PRKAR1B: variants seen among roughly 807,000 people sequenced by gnomAD.
The protein encoded by PRKAR1B is cAMP-dependent protein kinase type I-beta regulatory subunit.
A neutral mutation model predicts 46.5 loss-of-function variants in PRKAR1B; 22 were observed. The observed-to-expected ratio is 0.47, with a 90% CI of 0.34 to 0.68. PRKAR1B has a LOEUF of 0.68. Ranked by LOEUF, PRKAR1B falls within the 30% of genes least tolerant of loss-of-function variation. The pLI, the probability that PRKAR1B is intolerant of heterozygous loss-of-function variation, is 0.01. For missense variants in PRKAR1B, 445 were observed against 535.6 expected (o/e 0.83, Z 1.67); for synonymous variants, 259 against 217.7 (o/e 1.19, Z -1.67).
chr7:706,540 C>T (rs1340366574), intron 2 of PRKAR1B, among the ~76,000 whole-genome samples: 1 of 148,150 alleles, frequency 6.7e-6, no homozygotes, highest in Non-Finnish European at 1.5e-5. Context: ...TCTCCTACCT[C>T]AGCCTCTCAC....
At chr7:657,667 T>TC (rs1385491872) in intron 4 of PRKAR1B, among the ~76,000 whole-genome samples, 1 of 152,222 alleles carries the variant, frequency 6.6e-6, no homozygotes, top group African/African-American at 2.4e-5. Flanking sequence ...GGACACCCTG[T>TC]CCTTCCACAG....
rs984837109 is a variant in PRKAR1B, at chr7:606,939, T to A, written c.502+452A>T. On this transcript the variant is annotated intron_variant, in intron 5 of 10. Coordinates refer to ENST00000537384, the MANE Select transcript of PRKAR1B (RefSeq NM_001164760.2). ...ACATGTACACACATATGTGTGCACA[T>A]ATACGTGCATATATATGTAGACATA... Among the ~76,000 whole-genome samples the A allele has an allele frequency of 4.6e-5, 7 of 152,362 alleles. No homozygotes were observed. In the South Asian group the frequency reaches 1.4e-3, roughly 32 times the overall value.
At chr7:609,936 T>C (rs1782381524) in intron 4 of PRKAR1B, among the ~76,000 whole-genome samples, 2 of 152,120 alleles carry the variant, frequency 1.3e-5, no homozygotes, top group Admixed American at 1.3e-4. Flanking sequence ...AATTGATGGG[T>C]CTCGCTATGT....
chr7:720,289 C>T (rs935926005), intron 1 of PRKAR1B, among the ~76,000 whole-genome samples: 2 of 152,142 alleles, frequency 1.3e-5, no homozygotes, highest in Admixed American at 1.3e-4. Flanking sequence ...AACTCCTGAC[C>T]TCAGGTGATC....
At chr7:563,176 G>A (rs1306575730) in intron 9 of PRKAR1B, among the ~76,000 whole-genome samples, 2 of 152,288 alleles carry the variant, frequency 1.3e-5, no homozygotes, top group African/African-American at 2.4e-5. Flanking sequence ...GTGCAGGTGG[G>A]CAGGCACCTA....
intron 9 of PRKAR1B, among the ~76,000 whole-genome samples, chr7:570,848 C>G (rs1457392515): frequency 6.6e-6 from 1 of 152,060 alleles, no homozygotes; most frequent in Non-Finnish European, 1.5e-5. Flanking sequence ...CCCTGCCCCA[C>G]GGCCCCCACC....
intron 4 of PRKAR1B, among the ~76,000 whole-genome samples, chr7:658,004 C>A (rs1273606710): frequency 6.6e-6 from 1 of 152,144 alleles, no homozygotes; most frequent in African/African-American, 2.4e-5. Context: ...GAAATGCAAA[C>A]CCGACAAGCA....
chr7:695,503 C>T (rs117542754), intron 2 of PRKAR1B, among the ~76,000 whole-genome samples: 1,678 of 152,242 alleles, frequency 0.011, 23 homozygotes, highest in East Asian at 0.1. Context: ...ACGATGACCT[C>T]GTGTTCCATG....
At chr7:610,447 T>A (rs1235074785) in intron 4 of PRKAR1B, among the ~76,000 whole-genome samples, 1 of 151,970 alleles carries the variant, frequency 6.6e-6, no homozygotes, top group Non-Finnish European at 1.5e-5. Flanking sequence ...GTGTCCCTCA[T>A]CTCCCCAGGG....
Position 550,451 on chromosome 7 carries a change from G to A in PRKAR1B, c.1125C>T (p.Ser375=). 3.1e-6 allele frequency: 5 copies of A among 1,594,898 alleles called. No individual in the cohort carries two copies. The highest frequency in any genetic ancestry group is 2.3e-5 in the East Asian group (1 of 43,784). The change falls in exon 11 of 11, where the codon AGC becomes AGT. Residue 375 remains serine, a synonymous_variant. Coordinates refer to ENST00000537384, the MANE Select transcript of PRKAR1B (RefSeq NM_001164760.2). ...ILKRNIQRYN[S]FISLTV The stretch of plus-strand genomic sequence containing the variant: ...GTGCTCAGACGGTGAGGGAGATGAA[G>A]CTGTTGTAACGCTGAATGTTCCTCT...
chr7:552,578 G>A (rs988886136), intron 9 of PRKAR1B, among the ~76,000 whole-genome samples: 2 of 152,218 alleles, frequency 1.3e-5, no homozygotes, highest in Non-Finnish European at 2.9e-5. Flanking sequence ...CTGTGACCAG[G>A]GCATCTGAGC....
At chr7:642,452 G>A (rs1244492698) in intron 4 of PRKAR1B, among the ~76,000 whole-genome samples, 1 of 152,150 alleles carries the variant, frequency 6.6e-6, no homozygotes, top group Non-Finnish European at 1.5e-5. Context: ...TCGGCCGGGC[G>A]CGGTGGCTCA....
intron 1 of PRKAR1B, among the ~76,000 whole-genome samples, chr7:722,095 C>A (rs1345356965): frequency 7.9e-6 from 1 of 126,258 alleles, no homozygotes; most frequent in Non-Finnish European, 1.6e-5. Context: ...GAGTTTTCAG[C>A]CTTTTTTTTT....
intron 4 of PRKAR1B, among the ~76,000 whole-genome samples, chr7:660,707 C>T (rs1157532205): frequency 7.5e-6 from 1 of 132,924 alleles, no homozygotes; most frequent in African/African-American, 2.9e-5. Flanking sequence ...ATCCAAATAC[C>T]TACTCTCCCC....
At chr7:596,114 T>C in intron 7 of PRKAR1B, 32 bp downstream of exon 7, 1 of 1,598,634 alleles carries the variant, frequency 6.3e-7, no homozygotes, top group African/African-American at 1.3e-5. Context: ...AGGGTGGGTG[T>C]TGGCCTTCTC....
chr7:555,952 C>T (rs974154145), intron 9 of PRKAR1B, among the ~76,000 whole-genome samples: 8 of 152,220 alleles, frequency 5.3e-5, no homozygotes, highest in South Asian at 2.1e-4. Context: ...CAGATGCCCC[C>T]GCTCCGGGGA....
chr7:568,058 T>C (rs1779281713), intron 9 of PRKAR1B, among the ~76,000 whole-genome samples: 1 of 152,212 alleles, frequency 6.6e-6, no homozygotes, highest in Admixed American at 6.5e-5. Context: ...ATCACAATTT[T>C]TAAAAACAAA....
Position 714,213 on chromosome 7 carries a change from T to C in PRKAR1B, c.-22-2686A>G, listed in dbSNP as rs1314320699. Reference sequence around the variant, plus strand: ...GGGCAGATGCTCCAGGCCTGGCTGCTTCTCTCCCGGGCTGTCCTGGGGTTC... The same window carrying C: ...GGGCAGATGCTCCAGGCCTGGCTGCCTCTCTCCCGGGCTGTCCTGGGGTTC... On this transcript the variant is annotated intron_variant, in intron 1 of 10. Coordinates refer to ENST00000537384, the MANE Select transcript of PRKAR1B (RefSeq NM_001164760.2). This position sits in a 1 kb window ranked among gnomAD's most constrained non-coding sequence, Gnocchi z 4.3. Among the ~76,000 whole-genome samples the C allele has an allele frequency of 6.6e-6, 1 of 152,168 alleles. No homozygotes were observed. The highest frequency in any genetic ancestry group is 2.4e-5 in the African/African-American group (1 of 41,442).
At chr7:687,547 A>C (rs935935416) in intron 2 of PRKAR1B, among the ~76,000 whole-genome samples, 1 of 152,340 alleles carries the variant, frequency 6.6e-6, no homozygotes, top group African/African-American at 2.4e-5. Flanking sequence ...GAAAGCAGCT[A>C]CAGAAAAGTG....
Sources: gnomAD v4.1 joint callset for allele counts (sites outside exome capture counted in the v4.1 genomes callset) on GRCh38, gnomAD v4.1.1 for gene constraint, Gnocchi (gnomAD v3.1) non-coding constraint, MANE v1.5 for transcripts, NCBI Gene and HGNC (gene_info 2026-07-23, HGNC 2026-07-21) for gene names.